DNTTIP1: variants seen among roughly 807,000 people sequenced by gnomAD.
The protein encoded by DNTTIP1 is deoxynucleotidyltransferase terminal-interacting protein 1.
A neutral mutation model predicts 52.9 loss-of-function variants in DNTTIP1; 22 were observed. The ratio of observed to expected loss-of-function variants is 0.42; its 90% CI spans 0.30 to 0.59. The LOEUF (loss-of-function observed/expected upper bound fraction) is 0.59, where lower values mean the gene tolerates loss of function less well. Ranked by LOEUF, DNTTIP1 falls within the 20% of genes least tolerant of loss-of-function variation. The pLI is 0.22. For synonymous variants in DNTTIP1, 136 were observed against 155.1 expected (o/e 0.88, Z 0.92); for missense variants, 286 against 435.5 (o/e 0.66, Z 3.06).
intron 10 of DNTTIP1, among the ~76,000 whole-genome samples, chr20:45,806,414 A>C (rs1167641497): frequency 1.3e-5 from 2 of 151,720 alleles, no homozygotes; most frequent in Non-Finnish European, 2.9e-5. Flanking sequence ...CAAAGAGGGT[A>C]CTCCTCTTCT....
At position 45,801,110 on chromosome 20, in the gene DNTTIP1, C is replaced by G. The variant is rs765900526; in HGVS notation, c.409C>G (p.Pro137Ala). The change falls in exon 5 of 13, where the codon CCC becomes GCC. Residue 137 changes from proline (P) to alanine (A), a missense_variant. Coordinates refer to ENST00000372622, the MANE Select transcript of DNTTIP1 (RefSeq NM_052951.3). ...CTTTTCAGATGGAGAAAAAGTAATA[C>G]CCAGATTGACCCATGAGCTTCCAGG... The part of the protein sequence containing the change: ...LLFSDGEKVI[P>A]RLTHELPGIK... 4.3e-6 allele frequency: 7 copies of G among 1,613,876 alleles called. No homozygotes were observed. The highest frequency in any genetic ancestry group is 5.1e-6 in the Non-Finnish European group (6 of 1,179,980).
intron 7 of DNTTIP1, 130 bp from the exon 8 acceptor site, chr20:45,803,203 G>T: frequency 1.2e-6 from 1 of 841,864 alleles, no homozygotes; most frequent in South Asian, 1.6e-5. Context: ...CCTCTTATGT[G>T]TCACCACGAA....
At chr20:45,803,054 G>C (rs1370007041) in intron 7 of DNTTIP1, 1 of 418,274 alleles carries the variant, frequency 2.4e-6, no homozygotes, top group Non-Finnish European at 4.4e-6. Flanking sequence ...AGATAGGTAG[G>C]GCAGTTGCTG....
chr20:45,794,208 G>T (rs1316267902), intron 3 of DNTTIP1, among the ~76,000 whole-genome samples, 191 bp downstream of exon 3: 31 of 152,150 alleles, frequency 2.0e-4, no homozygotes, highest in Admixed American at 2.0e-3. Flanking sequence ...GAGTGCAGTG[G>T]CACAATATCG....
intron 6 of DNTTIP1, 26 bp from the exon 7 acceptor site, chr20:45,801,973 C>T: frequency 1.2e-6 from 2 of 1,613,554 alleles, no homozygotes; most frequent in Non-Finnish European, 1.7e-6. Context: ...CAGGGTCAGA[C>T]CTCTGACAGC....
chr20:45,805,433 A>G (rs1001047083), intron 10 of DNTTIP1, 67 bp downstream of exon 10: 1 of 1,530,938 alleles, frequency 6.5e-7, no homozygotes, highest in African/African-American at 1.4e-5. Flanking sequence ...CACTCAGCAC[A>G]GAGAAGCTTA....
intron 3 of DNTTIP1, among the ~76,000 whole-genome samples, chr20:45,795,056 G>T (rs907605225): frequency 3.3e-5 from 5 of 151,720 alleles, no homozygotes; most frequent in African/African-American, 1.2e-4. Context: ...CCTCGGCCTC[G>T]CAAAGTGCTG....
chr20:45,810,628 T>C (rs1981797897), intron 11 of DNTTIP1, among the ~76,000 whole-genome samples: 1 of 149,768 alleles, frequency 6.7e-6, no homozygotes, highest in Non-Finnish European at 1.5e-5. Flanking sequence ...GAGAAATGGG[T>C]CCTTTTTTAA....
chr20:45,793,956 G>A lies in DNTTIP1; in HGVS notation c.212G>A (p.Arg71Gln), dbSNP rs763369669. The A allele has an allele frequency of 3.7e-6, 6 of 1,600,032 alleles. No individual in the cohort carries two copies. Among genetic ancestry groups the A allele is most frequent in the Admixed American group, 1.7e-5 (1 of 58,062 alleles). Residue 71 changes from arginine (R) to glutamine (Q), a missense_variant, in exon 3 of 13, where the codon CGA (arginine) becomes CAA (glutamine). Arg to Gln is a conservative substitution (Grantham distance 43). Coordinates refer to ENST00000372622, the MANE Select transcript of DNTTIP1 (RefSeq NM_052951.3). ...CCTGCCATCTCCATGGATCTCCTCC[G>A]AGCTGTCCTGCAGCCCAGCATCAAC... is the stretch of plus-strand genomic sequence containing the variant. ...TDPAISMDLLRAVLQPSINEE... is the reference protein window; with the variant it reads ...TDPAISMDLLQAVLQPSINEE...
chr20:45,792,142 G>T, intron 1 of DNTTIP1, 33 bp downstream of exon 1: 1 of 1,191,788 alleles, frequency 8.4e-7, no homozygotes, highest in East Asian at 3.0e-5. Flanking sequence ...CTGGGCTCAG[G>T]CCGGGCACGG....
intron 6 of DNTTIP1, 111 bp downstream of exon 6, chr20:45,801,569 C>T: frequency 3.5e-6 from 4 of 1,145,412 alleles, no homozygotes; most frequent in African/African-American, 1.5e-5. Context: ...GGGAGGATCA[C>T]TTGAGCTCAG....
At chr20:45,792,188 A>C in intron 1 of DNTTIP1, 79 bp downstream of exon 1, 1 of 880,266 alleles carries the variant, frequency 1.1e-6, no homozygotes, top group Non-Finnish European at 1.5e-6. Context: ...CGCGGGCGAG[A>C]GAACGCGGAG....
At chr20:45,794,467 C>T (rs1981162816) in intron 3 of DNTTIP1, among the ~76,000 whole-genome samples, 1 of 151,832 alleles carries the variant, frequency 6.6e-6, no homozygotes, top group African/African-American at 2.4e-5. Context: ...TTTTTAATCC[C>T]CCAAGAATTT....
At chr20:45,797,882 T>C (rs1981293945) in intron 4 of DNTTIP1, among the ~76,000 whole-genome samples, 1 of 152,202 alleles carries the variant, frequency 6.6e-6, no homozygotes, top group African/African-American at 2.4e-5. Flanking sequence ...ACACTGTTGG[T>C]GGGACCGTAA....
Position 45,802,035 on chromosome 20 carries a change from G to A in DNTTIP1, c.535G>A (p.Asp179Asn). The change falls in exon 7 of 13, where the codon GAC becomes AAC. Residue 179 changes from aspartate to asparagine, a missense_variant. Around this residue, in one of 2 missense-constraint regions of DNTTIP1, gnomAD observed 208 missense variants for 266.5 expected, o/e 0.78. Transcript: ENST00000372622. ...GCCTCCTGGACACATCCTGTCAAGC[G>A]ACCGGGCAGCCGCCGGCATGGTGTG... ...GRPPGHILSS[D>N]RAAAGMVWKP... is the part of the protein sequence containing the mutation. The A allele has an allele frequency of 6.2e-7, 1 of 1,614,130 alleles. No homozygotes were observed. The highest frequency in any genetic ancestry group is 1.1e-5 in the South Asian group (1 of 91,066).
At position 45,803,378 on chromosome 20, in the gene DNTTIP1, G is replaced by T. The variant is rs1224705707; in HGVS notation, c.603G>T (p.Lys201Asn). 6.2e-7 allele frequency: 1 copy of T among 1,614,004 alleles called. No individual in the cohort carries two copies. The highest frequency in any genetic ancestry group is 1.3e-5 in the African/African-American group (1 of 74,910). Residue 201 changes from lysine (K) to asparagine (N), a missense_variant and splice_region_variant, in exon 8 of 13, where the codon AAG (lysine) becomes AAT (asparagine). This residue lies in a region of DNTTIP1 where 78 missense variants were observed against 169.0 expected (regional missense o/e 0.46). Transcript: ENST00000372622. ...AACCAATTCGCCGGGAAGGCCCCAAGGTATGATTATGTGAGCATGGCAGAG... is the reference window on the plus strand; with the variant it reads ...AACCAATTCGCCGGGAAGGCCCCAATGTATGATTATGTGAGCATGGCAGAG... Reference protein sequence around the residue: ...SCEPIRREGPKWDPARLNEST... With the variant: ...SCEPIRREGPNWDPARLNEST...
intron 7 of DNTTIP1, 132 bp from the exon 8 acceptor site, chr20:45,803,201 G>A (rs1386243326): frequency 2.5e-6 from 2 of 815,710 alleles, no homozygotes; most frequent in African/African-American, 1.7e-5. Flanking sequence ...CTCCTCTTAT[G>A]TGTCACCACG....
Position 45,805,160 on chromosome 20 carries a change from C to T in DNTTIP1, c.618C>T (p.Arg206=). The stretch of plus-strand genomic sequence containing the variant: ...TTTTTGCACAGTGGGACCCAGCTCG[C>T]CTGAATGAATCTACCACCTTTGTGT... ...RREGPKWDPA[R]LNESTTFVLG... is the part of the protein sequence containing the mutation. The change falls in exon 9 of 13, where the codon CGC becomes CGT. Residue 206 remains arginine, a synonymous_variant. Transcript: ENST00000372622. 8.1e-6 allele frequency: 13 copies of T among 1,614,202 alleles called. No homozygotes were observed. The highest frequency in any genetic ancestry group is 1.1e-5 in the Non-Finnish European group (13 of 1,180,044).
intron 2 of DNTTIP1, among the ~76,000 whole-genome samples, chr20:45,793,217 A>G (rs73306452): frequency 0.017 from 2,580 of 152,368 alleles, 72 homozygotes; most frequent in African/African-American, 0.058. Flanking sequence ...GATGTTCACT[A>G]TAATTACTCA....
Sources: allele counts gnomAD v4.1 joint callset (sites outside exome capture counted in the v4.1 genomes callset), GRCh38; gene constraint gnomAD v4.1.1; regional missense constraint gnomAD v4.1.1; transcripts MANE v1.5; gene names NCBI Gene and HGNC (gene_info 2026-07-23, HGNC 2026-07-21).